TM7SF3: variants seen among roughly 807,000 people sequenced by gnomAD.
TM7SF3 encodes the protein seven span transmembrane protein.
TM7SF3 carries 60 observed loss-of-function variants against 65.5 expected under a neutral mutation model. The observed-to-expected ratio is 0.92, with a 90% CI of 0.74 to 1.14. The LOEUF (loss-of-function observed/expected upper bound fraction) is 1.14. TM7SF3 is among the 50% of genes most tolerant of loss of function. The pLI, the probability that TM7SF3 is intolerant of heterozygous loss-of-function variation, is 0.00. For synonymous variants in TM7SF3, 264 were observed against 259.6 expected (o/e 1.02, Z -0.16); for missense variants, 623 against 684.8 (o/e 0.91, Z 1.01).
At chr12:26,986,355 A>T (rs1940100489) in intron 6 of TM7SF3, among the ~76,000 whole-genome samples, 1 of 152,192 alleles carries the variant, frequency 6.6e-6, no homozygotes, top group East Asian at 1.9e-4. Context: ...CCCTTAGGTC[A>T]GTGCAGACAG....
intron 9 of TM7SF3, chr12:26,978,588 T>C (rs1939669347): frequency 6.6e-6 from 1 of 152,334 alleles, no homozygotes; most frequent in African/African-American, 2.4e-5. Flanking sequence ...CTTTTTGTTT[T>C]GTTTTTGAGA....
At chr12:26,986,075 G>A (rs544303223) in intron 6 of TM7SF3, among the ~76,000 whole-genome samples, 97 of 151,354 alleles carry the variant, frequency 6.4e-4, no homozygotes, top group South Asian at 5.8e-3. Context: ...TGATCCGCCC[G>A]CCTTGGCCTC....
At chr12:27,013,390 G>A (rs1316939854) in intron 1 of TM7SF3, among the ~76,000 whole-genome samples, 1 of 152,114 alleles carries the variant, frequency 6.6e-6, no homozygotes, top group Admixed American at 6.6e-5. Context: ...ACCTGGACTG[G>A]CAAGCTTTTG....
At chr12:27,000,153 A>G (rs774021491) in intron 2 of TM7SF3, among the ~76,000 whole-genome samples, 5 of 152,152 alleles carry the variant, frequency 3.3e-5, no homozygotes, top group Non-Finnish European at 5.9e-5. Context: ...CCCATGACCT[A>G]ATCACTTCCC....
chr12:26,988,682 G>GTC (rs1485836418), intron 6 of TM7SF3, among the ~76,000 whole-genome samples: 1 of 151,524 alleles, frequency 6.6e-6, no homozygotes, highest in African/African-American at 2.4e-5. Flanking sequence ...TTGTGTGTGT[G>GTC]TGTGTGTGTG....
chr12:26,990,687 T>A, intron 5 of TM7SF3, 60 bp from the exon 6 acceptor site: 1 of 1,284,700 alleles, frequency 7.8e-7, no homozygotes, highest in Non-Finnish European at 1.1e-6. Flanking sequence ...TATTCTGTGA[T>A]AATCCCACCT....
chr12:26,977,678 C>T (rs1436739893), intron 9 of TM7SF3, among the ~76,000 whole-genome samples: 1 of 152,066 alleles, frequency 6.6e-6, no homozygotes, highest in Non-Finnish European at 1.5e-5. Flanking sequence ...CACTTGAACT[C>T]GGGAGGTGGA....
Position 26,990,465 on chromosome 12 carries a change from T to TA in TM7SF3, c.852dup (p.Ser285Ter). 1 of 1,613,532 alleles carries TA rather than the reference T, an allele frequency of 6.2e-7. No homozygotes were observed. Among genetic ancestry groups the TA allele is most frequent in the Non-Finnish European group, 8.5e-7 (1 of 1,179,650 alleles). On this transcript the variant is annotated frameshift_variant, in exon 6 of 12. Transcript: ENST00000343028. LOFTEE classifies it high-confidence loss of function. ...ACATACTCACCTAGGGAAGCACAAC[T>TA]ACCCTCTCCTGCCTCAAAGCTGCAA...
intron 9 of TM7SF3, 39 bp from the exon 10 acceptor site, chr12:26,976,396 T>A (rs1368242369): frequency 7.1e-7 from 1 of 1,415,184 alleles, no homozygotes; most frequent in South Asian, 1.2e-5. Context: ...AACAACAGCT[T>A]TACCAAGTTA....
chr12:26,989,278 A>T (rs1940238716), intron 6 of TM7SF3, among the ~76,000 whole-genome samples: 1 of 152,198 alleles, frequency 6.6e-6, no homozygotes, highest in Non-Finnish European at 1.5e-5. Flanking sequence ...TCTACTAAAA[A>T]TACAAAAATT....
chr12:26,980,066 G>A (rs923605295), intron 8 of TM7SF3, 130 bp from the exon 9 acceptor site: 1 of 1,072,170 alleles, frequency 9.3e-7, no homozygotes, highest in South Asian at 1.5e-5. Flanking sequence ...CTCTTCAGTG[G>A]TGCCATGAAG....
At chr12:26,986,073 CCG>C (rs1171142547) in intron 6 of TM7SF3, among the ~76,000 whole-genome samples, 13 of 151,798 alleles carry the variant, frequency 8.6e-5, no homozygotes, top group African/African-American at 3.1e-4. Flanking sequence ...CGTGATCCGC[CCG>C]CCTTGGCCTC....
rs1208295338 is a variant in TM7SF3 at position 26,972,760 on chromosome 12, A to AT, written c.*1204dup. Among the ~76,000 whole-genome samples, 1 of 152,034 alleles carries AT rather than the reference A, an allele frequency of 6.6e-6. No homozygotes were observed. The highest frequency in any genetic ancestry group is 1.5e-5 in the Non-Finnish European group (1 of 68,004). ...CCACCGCACCTGGTCGGCAATATAG[A>AT]TTAAGGTGGGGGTTATTTCCTAAAA... On this transcript the variant is annotated 3_prime_UTR_variant, in exon 12 of 12. Coordinates refer to ENST00000343028, the MANE Select transcript of TM7SF3 (RefSeq NM_016551.3).
chr12:26,990,501 G>C lies in TM7SF3; in HGVS notation c.817C>G (p.His273Asp), dbSNP rs763430611. The change falls in exon 6 of 12, where the codon CAC becomes GAC. Residue 273 changes from histidine to aspartate, a missense_variant. His to Asp is a moderately conservative substitution (Grantham distance 81, BLOSUM62 -1). Coordinates refer to ENST00000343028, the MANE Select transcript of TM7SF3 (RefSeq NM_016551.3). The part of the protein sequence containing the change: ...LNTSAAYIPA[H>D]TYACSFEAGE... ...GCCTCAAAGCTGCAAGCGTATGTGT[G>C]AGCAGGAATGTAGGCAGCAGATGTA... 25 of 1,613,932 alleles carry C rather than the reference G, an allele frequency of 1.5e-5. No homozygotes were observed. The highest frequency in any genetic ancestry group is 2.1e-5 in the Non-Finnish European group (25 of 1,179,946).
At chr12:27,006,472 C>T (rs1941041809) in intron 1 of TM7SF3, among the ~76,000 whole-genome samples, 1 of 151,950 alleles carries the variant, frequency 6.6e-6, no homozygotes. Flanking sequence ...AATAGGAACA[C>T]ACACTAGAAA....
In TM7SF3 at chr12:26,973,629, C is replaced by T. The variant is rs1295382343; in HGVS notation, c.*336G>A. The T allele has an allele frequency of 1.0e-5, 2 of 195,026 alleles. No individual in the cohort carries two copies. The highest frequency in any genetic ancestry group is 2.1e-5 in the Non-Finnish European group (2 of 95,902). The allele number at this position is 195,026 out of a possible 1,614,324, so 12.1% of individuals were successfully genotyped here. On this transcript the variant is annotated 3_prime_UTR_variant, in exon 12 of 12. Coordinates refer to ENST00000343028, the MANE Select transcript of TM7SF3 (RefSeq NM_016551.3). ...TTTCAAGGGGTTATAAAAAGAAACA[C>T]CAGTGCTCTGCAGAAGAATCAGTTT...
chr12:27,007,992 G>C (rs548974018), intron 1 of TM7SF3, among the ~76,000 whole-genome samples: 1 of 151,898 alleles, frequency 6.6e-6, no homozygotes, highest in Admixed American at 6.6e-5. Context: ...TGTATTTCTG[G>C]TTTAGAGTTA....
At chr12:27,005,914 C>T (rs971190830) in intron 1 of TM7SF3, among the ~76,000 whole-genome samples, 2 of 151,468 alleles carry the variant, frequency 1.3e-5, no homozygotes, top group Non-Finnish European at 2.9e-5. Context: ...ATTCTCCTGC[C>T]TCAACCTCCT....
chr12:26,992,365 G>A (rs1042713855), intron 5 of TM7SF3, among the ~76,000 whole-genome samples: 5 of 151,860 alleles, frequency 3.3e-5, no homozygotes, highest in Non-Finnish European at 7.4e-5. Flanking sequence ...TGCAAGCTCT[G>A]CCTCCCAGGT....
Sources: gnomAD v4.1 joint callset for allele counts (sites outside exome capture counted in the v4.1 genomes callset) on GRCh38, gnomAD v4.1.1 for gene constraint, MANE v1.5 for transcripts, NCBI Gene and HGNC (gene_info 2026-07-23, HGNC 2026-07-21) for gene names.